PCDH15: variants seen among roughly 807,000 people sequenced by gnomAD.
The protein encoded by PCDH15 is protocadherin related 15.
In PCDH15, 129 loss-of-function variants were observed where a neutral mutation model predicts 178.5. The ratio of observed to expected loss-of-function variants is 0.72; its 90% confidence interval spans 0.63 to 0.84. The LOEUF is 0.84. Among genes scored for constraint, PCDH15 ranks in the 40% least tolerant of loss-of-function variants. The probability of loss-of-function intolerance (pLI) is 0.00; values close to 1 mark genes in which losing one functional copy is unlikely to be tolerated. For missense variants in PCDH15, 2,230 were observed against 2,099.9 expected, an observed-to-expected ratio of 1.06 and a Z score of -1.21; for synonymous variants, 800 against 732.0, an observed-to-expected ratio of 1.09 and a Z score of -1.50.
intron 2 of PCDH15, among the ~76,000 whole-genome samples, chr10:55,138,504 A>G (rs568304577): frequency 2.9e-4 from 44 of 152,150 alleles, no homozygotes; most frequent in Middle Eastern, 3.4e-3. Flanking sequence ...GTTTCCCCCA[A>G]TGTTGTGTCC....
chr10:54,795,329 G>A (rs138025692), intron 1 of PCDH15, among the ~76,000 whole-genome samples: 6 of 151,814 alleles, frequency 4.0e-5, no homozygotes, highest in Middle Eastern at 3.4e-3. Flanking sequence ...TCACCACCAG[G>A]ACAAAATAAA....
intron 29 of PCDH15, among the ~76,000 whole-genome samples, chr10:53,836,888 A>G (rs2077338777): frequency 6.6e-6 from 1 of 152,198 alleles, no homozygotes. Flanking sequence ...AAGCACAAAC[A>G]TGCCTGAAGC....
intron 2 of PCDH15, among the ~76,000 whole-genome samples, chr10:54,999,760 C>A (rs1839753502): frequency 6.6e-6 from 1 of 152,170 alleles, no homozygotes; most frequent in Non-Finnish European, 1.5e-5. Context: ...CACGTAGGTT[C>A]TTTTCTATAT....
chr10:54,609,354 G>C (rs2092884089), intron 2 of PCDH15, among the ~76,000 whole-genome samples: 1 of 151,986 alleles, frequency 6.6e-6, no homozygotes, highest in Admixed American at 6.6e-5. Flanking sequence ...AAAAAATTCT[G>C]TGTTAAAGAT....
intron 1 of PCDH15, among the ~76,000 whole-genome samples, chr10:54,666,240 T>C (rs2094570005): frequency 6.6e-6 from 1 of 152,082 alleles, no homozygotes; most frequent in African/African-American, 2.4e-5. Flanking sequence ...ATTTACTCAA[T>C]CTATCTTTAG....
chr10:54,307,016 A>ATGTGTGTGTG (rs1564921024), intron 8 of PCDH15, among the ~76,000 whole-genome samples: 1 of 28,994 alleles, frequency 3.4e-5, no homozygotes, highest in African/African-American at 1.4e-4. Flanking sequence ...ATATATATAC[A>ATGTGTGTGTG]TATATATATA....
At chr10:54,077,880 C>T (rs374120693) in intron 17 of PCDH15, among the ~76,000 whole-genome samples, 4 of 151,982 alleles carry the variant, frequency 2.6e-5, no homozygotes, top group East Asian at 3.9e-4. Context: ...CTGGCCAACA[C>T]GGTGAAACCC....
At chr10:53,948,221 G>A (rs2086732289) in intron 23 of PCDH15, among the ~76,000 whole-genome samples, 1 of 152,018 alleles carries the variant, frequency 6.6e-6, no homozygotes, top group South Asian at 2.1e-4. Flanking sequence ...TCTCAAAAGT[G>A]CCCTGCTTTG....
intron 8 of PCDH15, among the ~76,000 whole-genome samples, chr10:54,266,369 T>A (rs2057689444): frequency 6.6e-6 from 1 of 151,438 alleles, no homozygotes; most frequent in Non-Finnish European, 1.5e-5. Context: ...TATATCAAAT[T>A]AACAACGTAA....
chr10:54,151,489 G>A (rs112752086), intron 14 of PCDH15, among the ~76,000 whole-genome samples: 229 of 152,208 alleles, frequency 1.5e-3, no homozygotes, highest in African/African-American at 5.4e-3. Flanking sequence ...TCCATTAGCC[G>A]GGATTGTGCC....
At position 55,013,056 on chromosome 10, in the gene PCDH15, G is replaced by A. The variant is rs147411038; in HGVS notation, c.-79-115556C>T. The stretch of plus-strand genomic sequence containing the variant: ...AAATATCATGGTTGGGATACTATGC[G>A]TTTATTGCCCCCAAGCTGAAACATA... On this transcript the variant is annotated intron_variant, in intron 2 of 5. Coordinates refer to the PCDH15 transcript ENST00000458638. Among the ~76,000 whole-genome samples, 56 of 152,170 alleles carry A rather than the reference G, an allele frequency of 3.7e-4. No individual in the cohort carries two copies. In the Middle Eastern group the frequency reaches 0.01, roughly 28 times the overall value.
chr10:55,241,933 G>A (rs934313173), intron 1 of PCDH15, among the ~76,000 whole-genome samples: 8 of 152,196 alleles, frequency 5.3e-5, no homozygotes, highest in South Asian at 2.1e-4. Context: ...CTCATAAAAC[G>A]TGTTACCAGT....
intron 8 of PCDH15, among the ~76,000 whole-genome samples, chr10:54,282,150 A>C (rs1591570435): frequency 6.6e-6 from 1 of 152,122 alleles, no homozygotes; most frequent in Admixed American, 6.6e-5. Context: ...ATGTGACGAC[A>C]GCAGTGGTTC....
chr10:54,827,015 C>T (rs1564544472), intron 3 of PCDH15, among the ~76,000 whole-genome samples: 1 of 152,064 alleles, frequency 6.6e-6, no homozygotes, highest in Non-Finnish European at 1.5e-5. Flanking sequence ...CACACAAAAA[C>T]ATCCTGGTTG....
intron 29 of PCDH15, among the ~76,000 whole-genome samples, chr10:53,832,016 A>G (rs1044753680): frequency 2.6e-5 from 4 of 152,126 alleles, no homozygotes; most frequent in Non-Finnish European, 4.4e-5. Context: ...CTGAGGCACC[A>G]AACTAAGATT....
intron 1 of PCDH15, among the ~76,000 whole-genome samples, chr10:55,238,462 TC>T (rs1375309978): frequency 6.6e-6 from 1 of 152,130 alleles, no homozygotes; most frequent in Non-Finnish European, 1.5e-5. Context: ...ATTCATATTT[TC>T]TTAAGGACCA....
At chr10:54,610,936 T>G (rs1723843260) in intron 2 of PCDH15, among the ~76,000 whole-genome samples, 1 of 151,856 alleles carries the variant, frequency 6.6e-6, no homozygotes, top group Non-Finnish European at 1.5e-5. Context: ...TTGTTTCATT[T>G]TATTGCTTAT....
At chr10:55,093,114 A>G (rs971814670) in intron 2 of PCDH15, among the ~76,000 whole-genome samples, 1 of 152,056 alleles carries the variant, frequency 6.6e-6, no homozygotes, top group Non-Finnish European at 1.5e-5. Context: ...AAAATATGAA[A>G]TACTCTACAG....
At chr10:54,294,543 C>G (rs1054675450) in intron 8 of PCDH15, among the ~76,000 whole-genome samples, 4 of 152,066 alleles carry the variant, frequency 2.6e-5, no homozygotes, top group Non-Finnish European at 5.9e-5. Context: ...CATCAAGATG[C>G]CAAAAGATAA....
Sources: allele counts gnomAD v4.1 joint callset (sites outside exome capture counted in the v4.1 genomes callset), GRCh38; gene constraint gnomAD v4.1.1; transcripts MANE v1.5; gene names NCBI Gene and HGNC (gene_info 2026-07-23, HGNC 2026-07-21).